The following RBFOX1 variants were observed in gnomAD, a reference collection of about 807,000 sequenced individuals.
RBFOX1 encodes the protein RNA binding protein fox-1 homolog 1.
A neutral mutation model predicts 57.7 loss-of-function variants in RBFOX1; 8 were observed. The ratio of observed to expected loss-of-function variants is 0.14; its 90% CI spans 0.08 to 0.25. The LOEUF (loss-of-function observed/expected upper bound fraction) is 0.25. RBFOX1 is among the 10% of genes least tolerant of loss of function. The probability of loss-of-function intolerance (pLI) is 1.00; values close to 1 mark genes in which losing one functional copy is unlikely to be tolerated. For synonymous variants in RBFOX1, 326 were observed against 222.4 expected, an observed-to-expected ratio of 1.47 and a Z score of -4.15; for missense variants, 611 against 548.5, an observed-to-expected ratio of 1.11 and a Z score of -1.14.
At chr16:6,249,054 A>C (rs2097586004) in intron 1 of RBFOX1, among the ~76,000 whole-genome samples, 1 of 152,166 alleles carries the variant, frequency 6.6e-6, no homozygotes, top group Non-Finnish European at 1.5e-5. Context: ...ATCATTATAC[A>C]TTTTGAGAAT....
At chr16:5,866,793 A>G (rs750708048) in intron 3 of RBFOX1, among the ~76,000 whole-genome samples, 1 of 152,236 alleles carries the variant, frequency 6.6e-6, no homozygotes, top group Non-Finnish European at 1.5e-5. Flanking sequence ...TAAAATATAT[A>G]AACAACTTGG....
chr16:5,531,512 G>C (rs1389452438), intron 2 of RBFOX1, among the ~76,000 whole-genome samples: 1 of 152,154 alleles, frequency 6.6e-6, no homozygotes, highest in Admixed American at 6.5e-5. Context: ...GCAATAATGA[G>C]GGACTGTTGA....
intron 1 of RBFOX1, among the ~76,000 whole-genome samples, chr16:5,287,001 G>A (rs1257959119): frequency 1.3e-5 from 2 of 152,180 alleles, no homozygotes; most frequent in Non-Finnish European, 2.9e-5. Flanking sequence ...GAATAAAATA[G>A]GGTTTCTATT....
rs148119544 is a variant in RBFOX1, at chr16:6,386,963, G to A, written c.-64+69906G>A. Reference sequence around the variant, plus strand: ...GAAAAATAAAGAGAGAGGTGTTGGGGTAGTTATTGATTCCGCAAAGATGAA... The same window carrying A: ...GAAAAATAAAGAGAGAGGTGTTGGGATAGTTATTGATTCCGCAAAGATGAA... On this transcript the variant is annotated intron_variant, in intron 2 of 15. Coordinates refer to ENST00000550418, the MANE Select transcript of RBFOX1 (RefSeq NM_018723.4). 7.9e-3 allele frequency among the ~76,000 whole-genome samples: 1,210 copies of A among 152,242 alleles called. 19 individuals carry two copies. Among genetic ancestry groups the A allele is most frequent in the African/African-American group, 0.028 (1,161 of 41,540 alleles).
intron 3 of RBFOX1, among the ~76,000 whole-genome samples, chr16:5,810,603 C>G: frequency 6.6e-6 from 1 of 152,176 alleles, no homozygotes; most frequent in East Asian, 1.9e-4. Flanking sequence ...GAGTGACACT[C>G]CTGCTGGGTT....
At chr16:6,297,426 A>C (rs2078252776) in intron 1 of RBFOX1, among the ~76,000 whole-genome samples, 1 of 152,038 alleles carries the variant, frequency 6.6e-6, no homozygotes, top group Non-Finnish European at 1.5e-5. Flanking sequence ...TGTGGCTTAA[A>C]TCCCAGCCTC....
intron 4 of RBFOX1, among the ~76,000 whole-genome samples, chr16:5,978,197 C>T (rs891909513): frequency 2.2e-5 from 3 of 135,024 alleles, no homozygotes; most frequent in African/African-American, 5.5e-5. Flanking sequence ...TCCTGTATTC[C>T]CAAATACTCA....
chr16:5,427,993 C>A (rs867878785), intron 1 of RBFOX1, among the ~76,000 whole-genome samples: 3 of 152,184 alleles, frequency 2.0e-5, no homozygotes, highest in Admixed American at 6.5e-5. Context: ...TCCACACTGA[C>A]ATTGTGGGTC....
intron 3 of RBFOX1, among the ~76,000 whole-genome samples, chr16:6,753,352 T>C (rs1325258511): frequency 2.0e-5 from 3 of 152,184 alleles, no homozygotes; most frequent in African/African-American, 7.2e-5. Flanking sequence ...TGGAAAAATA[T>C]GGTACAAAAG....
chr16:7,609,049 A>T (rs1308434254), intron 10 of RBFOX1, among the ~76,000 whole-genome samples: 1 of 152,214 alleles, frequency 6.6e-6, no homozygotes, highest in African/African-American at 2.4e-5. Context: ...CTTTGTGCAA[A>T]GCTGCAAGGA....
At chr16:6,808,474 G>C (rs1056955921) in intron 3 of RBFOX1, among the ~76,000 whole-genome samples, 22 of 152,126 alleles carry the variant, frequency 1.4e-4, no homozygotes, top group Non-Finnish European at 3.1e-4. Context: ...CTTCCCCAGT[G>C]AATAGCTCTC....
At chr16:6,137,008 G>C (rs939710710) in intron 1 of RBFOX1, among the ~76,000 whole-genome samples, 1 of 152,056 alleles carries the variant, frequency 6.6e-6, no homozygotes, top group Admixed American at 6.5e-5. Flanking sequence ...CCCCTCCACC[G>C]CTGGAAACTC....
intron 3 of RBFOX1, among the ~76,000 whole-genome samples, chr16:5,733,368 G>C (rs1194388108): frequency 6.6e-6 from 1 of 152,100 alleles, no homozygotes; most frequent in African/African-American, 2.4e-5. Flanking sequence ...AAGGCCACTG[G>C]GGAAGCAACT....
In RBFOX1 at chr16:5,946,842, A is replaced by T. The variant is rs1349848031; in HGVS notation, c.351+79507A>T. ...GTTGGTGATGGCAGAGATTTGGAGC[A>T]TTGCTTGGTGTGAAATAAAACCCAA... On this transcript the variant is annotated intron_variant, in intron 4 of 19. Coordinates refer to the RBFOX1 transcript ENST00000641259. The surrounding 1 kb of genome is among the most constrained non-coding windows in gnomAD (Gnocchi z 4.6). 1.3e-5 allele frequency among the ~76,000 whole-genome samples: 2 copies of T among 152,152 alleles called. No homozygotes were observed. The highest frequency in any genetic ancestry group is 2.4e-5 in the African/African-American group (1 of 41,436).
intron 2 of RBFOX1, among the ~76,000 whole-genome samples, chr16:6,371,877 C>T (rs936644869): frequency 6.6e-6 from 1 of 152,194 alleles, no homozygotes; most frequent in Non-Finnish European, 1.5e-5. Flanking sequence ...TATCTGATAT[C>T]ACTTGTTATT....
chr16:7,293,658 G>T (rs1216911880), intron 4 of RBFOX1, among the ~76,000 whole-genome samples: 1 of 152,154 alleles, frequency 6.6e-6, no homozygotes, highest in African/African-American at 2.4e-5. Flanking sequence ...CTAAAACTTG[G>T]AATCCTAGAG....
chr16:5,708,130 A>C (rs1424630284), intron 3 of RBFOX1, among the ~76,000 whole-genome samples: 2 of 152,110 alleles, frequency 1.3e-5, no homozygotes, highest in African/African-American at 4.8e-5. Flanking sequence ...TTTTCTGAAA[A>C]CCCGAAGTAG....
At chr16:5,385,324 C>G (rs946210702) in intron 1 of RBFOX1, among the ~76,000 whole-genome samples, 3 of 152,310 alleles carry the variant, frequency 2.0e-5, no homozygotes, top group South Asian at 2.1e-4. Flanking sequence ...AGAGCCTTTA[C>G]TATTTACCTG....
In RBFOX1 at chr16:6,510,856, A is replaced by G. The variant is rs140272202; in HGVS notation, c.-63-143747A>G. ...TTGCACCCTTAGTGCTGCACCCTTA[A>G]AAAAAAAAAAAGGAAAAAAAGGTAT... is the stretch of plus-strand genomic sequence containing the variant. On this transcript the variant is annotated intron_variant, in intron 2 of 15. Coordinates refer to ENST00000550418, the MANE Select transcript of RBFOX1 (RefSeq NM_018723.4). Among the ~76,000 whole-genome samples, 726 of 144,422 alleles carry G rather than the reference A, an allele frequency of 5.0e-3. 21 individuals carry two copies. The East Asian group carries it at 0.095, about 19-fold the overall frequency. The allele number at this position is 144,422 out of a possible 152,430, so 94.7% of individuals were successfully genotyped here.
Sources: allele counts gnomAD v4.1 joint callset (sites outside exome capture counted in the v4.1 genomes callset), GRCh38; gene constraint gnomAD v4.1.1; non-coding constraint Gnocchi (gnomAD v3.1); transcripts MANE v1.5; gene names NCBI Gene and HGNC (gene_info 2026-07-23, HGNC 2026-07-21).